Variants in MICALL2 observed in about 807,000 individuals in gnomAD.
The protein encoded by MICALL2 is MICAL-like protein 2.
Under a neutral mutation model 91.1 loss-of-function variants are expected in MICALL2, and 111 were observed. The ratio of observed to expected loss-of-function variants is 1.22; its 90% CI spans 1.04 to 1.43. MICALL2 has a LOEUF of 1.43. Ranked by LOEUF, MICALL2 falls within the 40% of genes most tolerant of loss-of-function variation. MICALL2 has a pLI of 0.00. For missense variants in MICALL2, 1,556 were observed against 1,236.0 expected (o/e 1.26, Z -3.88); for synonymous variants, 694 against 525.3 (o/e 1.32, Z -4.39).
In MICALL2 at chr7:1,455,631, C is replaced by T. The variant is rs767268061; in HGVS notation, c.143+3553G>A. ...TACACAGGAATGTCCGGATCCCCGC[C>T]CCCTCCACCCGGGGTCGGTGGGGCA... is the stretch of plus-strand genomic sequence containing the variant. On this transcript the variant is annotated intron_variant, in intron 1 of 16. Transcript: ENST00000297508. Among the ~76,000 whole-genome samples the T allele has an allele frequency of 9.2e-5, 14 of 151,870 alleles. 1 individual carries two copies. The highest frequency in any genetic ancestry group is 2.6e-4 in the Admixed American group (4 of 15,258).
chr7:1,440,197 G>A, intron 8 of MICALL2, 112 bp from the exon 9 acceptor site: 1 of 1,328,578 alleles, frequency 7.5e-7, no homozygotes, highest in Non-Finnish European at 1.0e-6. Flanking sequence ...GTGGCCTTCT[G>A]AGCAAATGCC....
chr7:1,442,320 G>T lies in MICALL2; in HGVS notation c.1583C>A (p.Ala528Glu), dbSNP rs764663401. 8.7e-6 allele frequency: 14 copies of T among 1,613,208 alleles called. No individual in the cohort carries two copies. Among genetic ancestry groups the T allele is most frequent in the Non-Finnish European group, 1.7e-6 (2 of 1,179,912 alleles). Residue 528 changes from alanine to glutamate, a missense_variant, in exon 7 of 17, where the codon GCA becomes GAA. Transcript: ENST00000297508. ...APLSTSSTSQ[A>E]SALPPAGRRN... is the part of the protein sequence containing the mutation. ...CCTGCCTGCCGGGGGCAACGCGGAT[G>T]CCTGAGAGGTACTGCTCGTGCTCAG...
In MICALL2 at chr7:1,444,779, T is replaced by G; in HGVS notation, c.1291A>C (p.Ser431Arg). ...GGGGTGGGACCTCTGCCAGAAAGGCTGGTGCCGGGGGGCACTGCTGATGTT... is the reference window on the plus strand; with the variant it reads ...GGGGTGGGACCTCTGCCAGAAAGGCGGGTGCCGGGGGGCACTGCTGATGTT... ...FQTSAVPPGT[S>R]LSGRGPTPSL... is the part of the protein sequence containing the mutation. The change falls in exon 6 of 17, where the codon AGC (serine) becomes CGC (arginine). Residue 431 changes from serine to arginine, a missense_variant. Transcript: ENST00000297508. 6.2e-7 allele frequency: 1 copy of G among 1,612,044 alleles called. No homozygotes were observed. The highest frequency in any genetic ancestry group is 8.5e-7 in the Non-Finnish European group (1 of 1,179,638).
At chr7:1,455,432 C>A (rs2128526243) in intron 1 of MICALL2, among the ~76,000 whole-genome samples, 1 of 152,350 alleles carries the variant, frequency 6.6e-6, no homozygotes, top group Non-Finnish European at 1.5e-5. Context: ...TGAGACAGGG[C>A]AGGCGGGCAC....
chr7:1,455,117 G>A (rs1348383933), intron 1 of MICALL2, among the ~76,000 whole-genome samples: 3 of 152,276 alleles, frequency 2.0e-5, no homozygotes, highest in South Asian at 2.1e-4. Context: ...CACGCACAAC[G>A]CCTGCCCTCC....
chr7:1,435,773 G>A (rs1779937239), intron 15 of MICALL2, among the ~76,000 whole-genome samples: 1 of 152,202 alleles, frequency 6.6e-6, no homozygotes, highest in South Asian at 2.1e-4. Context: ...CTAAGACTTT[G>A]GCCGGGCACG....
chr7:1,440,419 C>T, intron 8 of MICALL2, 172 bp downstream of exon 8: 1 of 675,470 alleles, frequency 1.5e-6, no homozygotes, highest in South Asian at 1.7e-5. Context: ...TGCCCCCAAA[C>T]CAGGGACAGC....
At position 1,439,002 on chromosome 7, in the gene MICALL2, C is replaced by T. The variant is rs771116866; in HGVS notation, c.1967-7G>A. On this transcript the variant is annotated splice_region_variant and splice_polypyrimidine_tract_variant and intron_variant, in intron 9 of 16. Transcript: ENST00000297508. The stretch of plus-strand genomic sequence containing the variant: ...GGTGGGGAGGGGGACCTGGCTGCCC[C>T]CAGGTGGGGAGACAGAGCCACGCTT... 6.3e-7 allele frequency: 1 copy of T among 1,588,754 alleles called. No individual in the cohort carries two copies. The highest frequency in any genetic ancestry group is 1.1e-5 in the South Asian group (1 of 90,580).
intron 9 of MICALL2, 192 bp from the exon 10 acceptor site, chr7:1,439,187 G>A (rs112290861): frequency 3.0e-5 from 17 of 563,840 alleles, no homozygotes; most frequent in African/African-American, 2.8e-4. Flanking sequence ...TCTCCCCAGG[G>A]GGCTAACCCA....
In MICALL2 at chr7:1,448,627, G is replaced by C. The variant is rs780355713; in HGVS notation, c.327C>G (p.Arg109=). The C allele has an allele frequency of 1.4e-5, 22 of 1,612,652 alleles. No homozygotes were observed. In the South Asian group the frequency reaches 2.2e-4, roughly 16 times the overall value. The change falls in exon 3 of 17, where the codon CGC becomes CGG. Residue 109 remains arginine (R), a synonymous_variant. Transcript: ENST00000297508. ...VSQYYNYFHG[R]SPIGGMAGVK... is the part of the protein sequence containing the mutation. ...GGCGCGGCAGGGACTCACTGGGGGA[G>C]CGGCCGTGGAAGTAGTTGTAATACT... is the stretch of plus-strand genomic sequence containing the variant.
Position 1,447,741 on chromosome 7 carries a change from C to A in MICALL2, c.359G>T (p.Arg120Met). 1 of 1,552,430 alleles carries A rather than the reference C, an allele frequency of 6.4e-7. No individual in the cohort carries two copies. Reference protein sequence around the residue: ...SPIGGMAGVKRASEDSEEEPS... With the variant: ...SPIGGMAGVKMASEDSEEEPS... ...CTCCTCCTCAGAGTCCTCCGAGGCC[C>A]TCTTCACGCCTGCCATGCCCCCAAC... The change falls in exon 4 of 17, where the codon AGG becomes ATG. Residue 120 changes from arginine (R) to methionine (M), a missense_variant. Coordinates refer to ENST00000297508, the MANE Select transcript of MICALL2 (RefSeq NM_182924.4).
chr7:1,434,985 G>GCCC (rs145154210), intron 16 of MICALL2, 116 bp downstream of exon 16: 3 of 255,662 alleles, frequency 1.2e-5, no homozygotes, highest in East Asian at 1.1e-4. Context: ...CCCGATACCC[G>GCCC]CCCCCCCCCC....
At chr7:1,439,117 C>A in intron 9 of MICALL2, 122 bp from the exon 10 acceptor site, 1 of 770,176 alleles carries the variant, frequency 1.3e-6, no homozygotes, top group Non-Finnish European at 2.0e-6. Context: ...CTGGGCCTCC[C>A]GACTGGCACA....
intron 1 of MICALL2, among the ~76,000 whole-genome samples, chr7:1,458,870 A>G (rs1005241168): frequency 2.6e-5 from 4 of 152,222 alleles, no homozygotes; most frequent in African/African-American, 2.4e-5. Flanking sequence ...CGGAGGGCCC[A>G]AAGAGGCAGC....
Position 1,438,945 on chromosome 7 carries a change from G to C in MICALL2, c.2017C>G (p.Leu673Val), listed in dbSNP as rs1234866588. Residue 673 changes from leucine (L) to valine (V), a missense_variant, in exon 10 of 17, where the codon CTC becomes GTC. Coordinates refer to ENST00000297508, the MANE Select transcript of MICALL2 (RefSeq NM_182924.4). ...CGAAGCCAGTTGTCACAAACGTCGA[G>C]GCTGGCAGGGACGGCCAGTCTCCTG... ...RRRRLAVPAS[L>V]DVCDNWLRPE... The C allele has an allele frequency of 5.6e-6, 9 of 1,604,848 alleles. No homozygotes were observed. The highest frequency in any genetic ancestry group is 5.9e-6 in the Non-Finnish European group (7 of 1,179,482).
intron 15 of MICALL2, 76 bp downstream of exon 15, chr7:1,436,666 G>C: frequency 8.9e-7 from 1 of 1,123,068 alleles, no homozygotes; most frequent in Non-Finnish European, 1.3e-6. Flanking sequence ...TACGGGGCTG[G>C]CTGACCCTGA....
chr7:1,438,430 C>A (rs149653957), intron 10 of MICALL2, 77 bp from the exon 11 acceptor site: 628 of 1,539,934 alleles, frequency 4.1e-4, no homozygotes, highest in Non-Finnish European at 5.1e-4. Flanking sequence ...TTGGAAGGAG[C>A]CTGACCTCAG....
At position 1,436,734 on chromosome 7, in the gene MICALL2, C is replaced by CCCAGG; in HGVS notation, c.2591+7_2591+8insCCTGG. ...GGCTGGGAGGGGCCCCCGGCACCTGCCCCTCACCGGAGCCGGTCCTCGTCC... is the reference window on the plus strand; with the variant it reads ...GGCTGGGAGGGGCCCCCGGCACCTGCCCAGGCCCTCACCGGAGCCGGTCCTCGTCC... On this transcript the variant is annotated splice_region_variant and intron_variant, in intron 15 of 16. Coordinates refer to ENST00000297508, the MANE Select transcript of MICALL2 (RefSeq NM_182924.4). The CCCAGG allele has an allele frequency of 1.3e-6, 2 of 1,597,302 alleles. No homozygotes were observed. The highest frequency in any genetic ancestry group is 3.4e-5 in the Admixed American group (2 of 58,856).
chr7:1,438,974 C>CG lies in MICALL2; in HGVS notation c.1987dup (p.Arg663ProfsTer15), dbSNP rs769102827. 8 of 1,597,126 alleles carry CG rather than the reference C, an allele frequency of 5.0e-6. No homozygotes were observed. In the African/African-American group the frequency reaches 1.1e-4, roughly 21 times the overall value. On this transcript the variant is annotated frameshift_variant, in exon 10 of 17. Coordinates refer to ENST00000297508, the MANE Select transcript of MICALL2 (RefSeq NM_182924.4). LOFTEE classifies it high-confidence loss of function. ...GGCAGGGACGGCCAGTCTCCTGCGG[C>CG]GGGGTGGGGAGGGGGACCTGGCTGC... is the stretch of plus-strand genomic sequence containing the variant.
Sources: gnomAD v4.1 joint callset for allele counts (sites outside exome capture counted in the v4.1 genomes callset) on GRCh38, gnomAD v4.1.1 for gene constraint, MANE v1.5 for transcripts, NCBI Gene and HGNC (gene_info 2026-07-23, HGNC 2026-07-21) for gene names.